The following CES5A variants were observed in gnomAD, a reference collection of about 807,000 sequenced individuals.
CES5A encodes carboxylesterase 5A.
In CES5A, 67 loss-of-function variants were observed where a neutral mutation model predicts 62.9. That is an observed-to-expected ratio of 1.07 (90% CI 0.88 to 1.31). The LOEUF is 1.31. CES5A is among the 50% of genes most tolerant of loss of function. The probability of loss-of-function intolerance (pLI) is 0.00; values close to 1 mark genes in which losing one functional copy is unlikely to be tolerated. For missense variants in CES5A, 748 were observed against 708.5 expected (o/e 1.06, Z -0.63); for synonymous variants, 296 against 280.8 (o/e 1.05, Z -0.54).
intron 1 of CES5A, among the ~76,000 whole-genome samples, chr16:55,907,656 G>A (rs1216119130): frequency 6.6e-6 from 1 of 152,192 alleles, no homozygotes; most frequent in Non-Finnish European, 1.5e-5. Context: ...GCAGATAAGT[G>A]TGGACCAGCA....
chr16:55,884,124 C>G (rs1402215255), intron 1 of CES5A, among the ~76,000 whole-genome samples: 2 of 152,178 alleles, frequency 1.3e-5, no homozygotes. Flanking sequence ...TGCAATTGTG[C>G]GAAGTCCTTC....
chr16:55,856,281 G>A, intron 9 of CES5A, 96 bp downstream of exon 9: 1 of 1,033,644 alleles, frequency 9.7e-7, no homozygotes, highest in African/African-American at 1.6e-5. Flanking sequence ...TGAGTGAGGA[G>A]TGTCTGTGCC....
At chr16:55,929,697 C>A (rs984814331), upstream of CES5A, among the ~76,000 whole-genome samples, 1 of 152,082 alleles carries the variant, frequency 6.6e-6, no homozygotes, top group Admixed American at 6.5e-5. Flanking sequence ...AGACAGCATC[C>A]GACAGGGCAT....
chr16:55,905,866 T>C (rs1447404637), intron 1 of CES5A, among the ~76,000 whole-genome samples: 1 of 151,988 alleles, frequency 6.6e-6, no homozygotes, highest in Non-Finnish European at 1.5e-5. Context: ...AATTGAGAAG[T>C]GGGAGGAAAA....
chr16:55,893,561 T>TA (rs2033902216), intron 1 of CES5A, among the ~76,000 whole-genome samples: 1 of 151,954 alleles, frequency 6.6e-6, no homozygotes, highest in African/African-American at 2.4e-5. Context: ...ATTCTAAAGC[T>TA]AAAAAATACA....
At chr16:55,945,582 G>A (rs891867662) in intron 2 of CES5A, among the ~76,000 whole-genome samples, 1 of 152,230 alleles carries the variant, frequency 6.6e-6, no homozygotes, top group East Asian at 1.9e-4. Flanking sequence ...CTAACCTCTA[G>A]CACTAACCCC....
chr16:55,889,255 G>A (rs1416005611), intron 1 of CES5A, among the ~76,000 whole-genome samples: 1 of 152,138 alleles, frequency 6.6e-6, no homozygotes, highest in Non-Finnish European at 1.5e-5. Context: ...AATGCCAGCT[G>A]GGTATCTTCT....
chr16:55,847,748 C>T (rs889945582), intron 11 of CES5A, among the ~76,000 whole-genome samples: 3 of 152,114 alleles, frequency 2.0e-5, no homozygotes, highest in African/African-American at 4.8e-5. Context: ...CATTTATATG[C>T]AATCATATAT....
At chr16:55,853,980 G>T (rs2033182232) in intron 9 of CES5A, among the ~76,000 whole-genome samples, 1 of 152,184 alleles carries the variant, frequency 6.6e-6, no homozygotes, top group Non-Finnish European at 1.5e-5. Flanking sequence ...TCCTCAGGAG[G>T]CTGGTGGTTT....
intron 1 of CES5A, among the ~76,000 whole-genome samples, chr16:55,907,229 A>T (rs1403778004): frequency 6.6e-6 from 1 of 152,200 alleles, no homozygotes; most frequent in Non-Finnish European, 1.5e-5. Flanking sequence ...CTGTTTCTGA[A>T]CGAAACTCCA....
At chr16:55,897,849 A>C (rs761207830) in intron 1 of CES5A, among the ~76,000 whole-genome samples, 5 of 152,234 alleles carry the variant, frequency 3.3e-5, no homozygotes, top group African/African-American at 1.2e-4. Context: ...AGTAGGATAA[A>C]TAAATTGTGG....
intron 1 of CES5A, among the ~76,000 whole-genome samples, chr16:55,923,274 C>G (rs561627765): frequency 6.6e-6 from 1 of 150,706 alleles, no homozygotes; most frequent in Admixed American, 6.6e-5. Context: ...AGATCTTTAG[C>G]TAAACTAAGA....
intron 1 of CES5A, among the ~76,000 whole-genome samples, chr16:55,953,613 A>C (rs558887491): frequency 6.6e-6 from 1 of 152,324 alleles, no homozygotes; most frequent in Admixed American, 6.5e-5. Context: ...GAAGTGGTAT[A>C]AAGAGTTAGG....
Position 55,849,618 on chromosome 16 carries a change from C to T in CES5A, c.1423+6G>A. On this transcript the variant is annotated splice_donor_region_variant and intron_variant, in intron 11 of 12. Coordinates refer to ENST00000290567, the MANE Select transcript of CES5A (RefSeq NM_001143685.2). ...TGTGAACTGTGGGAAGTGGCCAGTC[C>T]CTTACCGAACATAACAATGTCCCCC... The T allele has an allele frequency of 6.2e-7, 1 of 1,613,780 alleles. No homozygotes were observed. Among genetic ancestry groups the T allele is most frequent in the Non-Finnish European group, 8.5e-7 (1 of 1,179,754 alleles).
rs751489623 is a variant in CES5A at position 55,846,444 on chromosome 16, T to A, written c.*7A>T. On this transcript the variant is annotated 3_prime_UTR_variant, in exon 13 of 13. Transcript: ENST00000290567. ...AAGGGAAACCAAAATCACAGAAAGATAACTTCTCAAGGAGCACAAAAGAAA... is the reference window on the plus strand; with the variant it reads ...AAGGGAAACCAAAATCACAGAAAGAAAACTTCTCAAGGAGCACAAAAGAAA... 4 of 1,606,824 alleles carry A rather than the reference T, an allele frequency of 2.5e-6. No homozygotes were observed. Among genetic ancestry groups the A allele is most frequent in the Non-Finnish European group, 3.4e-6 (4 of 1,174,348 alleles).
intron 10 of CES5A, among the ~76,000 whole-genome samples, chr16:55,850,768 A>G (rs1178785560): frequency 6.6e-6 from 1 of 152,160 alleles, no homozygotes; most frequent in Admixed American, 6.5e-5. Context: ...GGTTATATGG[A>G]AACTCTACGT....
At chr16:55,888,648 A>C (rs758095392) in intron 1 of CES5A, among the ~76,000 whole-genome samples, 1 of 152,224 alleles carries the variant, frequency 6.6e-6, no homozygotes, top group Non-Finnish European at 1.5e-5. Flanking sequence ...CGGGGAATCC[A>C]GACTAAGATT....
chr16:55,887,189 G>A (rs74019321), intron 1 of CES5A, among the ~76,000 whole-genome samples: 2,906 of 152,092 alleles, frequency 0.019, 96 homozygotes, highest in African/African-American at 0.066. Flanking sequence ...CCATCACTCT[G>A]CATCACTTGC....
intron 2 of CES5A, among the ~76,000 whole-genome samples, chr16:55,933,753 C>T (rs1426540947): frequency 6.6e-6 from 1 of 152,190 alleles, no homozygotes. Flanking sequence ...CACCATCTCT[C>T]ACCTGGACCA....
Sources: allele counts gnomAD v4.1 joint callset (sites outside exome capture counted in the v4.1 genomes callset), GRCh38; gene constraint gnomAD v4.1.1; transcripts MANE v1.5; gene names NCBI Gene and HGNC (gene_info 2026-07-23, HGNC 2026-07-21).